Variants in XPNPEP1 observed in about 807,000 individuals in gnomAD.
XPNPEP1 encodes the protein xaa-Pro aminopeptidase 1.
XPNPEP1 carries 39 observed loss-of-function variants against 92.4 expected under a neutral mutation model. The observed-to-expected ratio is 0.42, with a 90% CI of 0.33 to 0.55. The LOEUF (loss-of-function observed/expected upper bound fraction) is 0.55, where lower values mean the gene tolerates loss of function less well. Among genes scored for constraint, XPNPEP1 ranks in the 20% least tolerant of loss-of-function variants. The probability of loss-of-function intolerance (pLI) is 0.08; values close to 1 mark genes in which losing one functional copy is unlikely to be tolerated. For synonymous variants in XPNPEP1, 307 were observed against 299.4 expected (o/e 1.03, Z -0.26); for missense variants, 654 against 856.1 (o/e 0.76, Z 2.95).
At position 109,899,529 on chromosome 10, in the gene XPNPEP1, G is replaced by A. The variant is rs538678982; in HGVS notation, c.247-6454C>T. On this transcript the variant is annotated intron_variant, in intron 3 of 20. Coordinates refer to ENST00000502935, the MANE Select transcript of XPNPEP1 (RefSeq NM_020383.4). ...CAATACCAGGCCACTGAAACTTCGAGATGTGTTACCACAGCTAGCATTATT... is the reference window on the plus strand; with the variant it reads ...CAATACCAGGCCACTGAAACTTCGAAATGTGTTACCACAGCTAGCATTATT... 9.8e-5 allele frequency among the ~76,000 whole-genome samples: 15 copies of A among 152,352 alleles called. No individual in the cohort carries two copies. In the South Asian group the frequency reaches 3.1e-3, roughly 32 times the overall value.
intron 3 of XPNPEP1, among the ~76,000 whole-genome samples, chr10:109,905,328 A>G (rs1451019753): frequency 6.6e-6 from 1 of 152,146 alleles, no homozygotes; most frequent in Non-Finnish European, 1.5e-5. Context: ...CTCCTGCTTC[A>G]GCCTCCTGAG....
At chr10:109,883,063 G>A (rs1848194221) in intron 9 of XPNPEP1, among the ~76,000 whole-genome samples, 1 of 152,120 alleles carries the variant, frequency 6.6e-6, no homozygotes, top group Non-Finnish European at 1.5e-5. Flanking sequence ...TTTACAACTT[G>A]TACATCTAAC....
intron 3 of XPNPEP1, among the ~76,000 whole-genome samples, chr10:109,901,266 G>A (rs548634163): frequency 8.8e-6 from 1 of 113,142 alleles, no homozygotes; most frequent in Non-Finnish European, 1.7e-5. Flanking sequence ...GTCATGGGGT[G>A]GGGGGAGGGG....
intron 3 of XPNPEP1, among the ~76,000 whole-genome samples, chr10:109,903,827 C>T (rs1849412803): frequency 6.6e-6 from 1 of 151,490 alleles, no homozygotes; most frequent in Non-Finnish European, 1.5e-5. Flanking sequence ...TATTTTGCTT[C>T]ATATGAAGTT....
Position 109,867,307 on chromosome 10 carries a change from A to G in XPNPEP1, c.1872+1307T>C, listed in dbSNP as rs1847194361. On this transcript the variant is annotated intron_variant, in intron 20 of 20. Transcript: ENST00000502935. This position sits in a 1 kb window ranked among gnomAD's most constrained non-coding sequence, Gnocchi z 4.5. ...ACAAGAGCCCCTGGACACTGGAAGG[A>G]CTCTTCCTGCTGAAGAGACACACCA... 6.6e-6 allele frequency among the ~76,000 whole-genome samples: 1 copy of G among 152,008 alleles called. No individual in the cohort carries two copies.
At chr10:109,902,615 G>T (rs1360845602) in intron 3 of XPNPEP1, among the ~76,000 whole-genome samples, 1 of 152,182 alleles carries the variant, frequency 6.6e-6, no homozygotes, top group Non-Finnish European at 1.5e-5. Context: ...TACAGCAATA[G>T]AAATGACAGT....
rs1456707623 is a variant in XPNPEP1 at position 109,923,159 on chromosome 10, A to C, written c.32+243T>G. ...AGCAGTTCCGCGGGCATACGCGTCCAGGAACCAGACTCGGGCCGCCCCGTG... is the reference window on the plus strand; with the variant it reads ...AGCAGTTCCGCGGGCATACGCGTCCCGGAACCAGACTCGGGCCGCCCCGTG... On this transcript the variant is annotated intron_variant, in intron 1 of 20. Coordinates refer to ENST00000502935, the MANE Select transcript of XPNPEP1 (RefSeq NM_020383.4). 7.1e-6 allele frequency: 7 copies of C among 985,114 alleles called. No homozygotes were observed. The African/African-American group carries it at 1.2e-4, about 17-fold the overall frequency. The allele number at this position is 985,114 out of a possible 1,614,324, so 61.0% of individuals were successfully genotyped here. A position where few individuals can be genotyped will look rare whatever the true frequency, so the allele number is the denominator to read the frequency against.
At chr10:109,887,468 T>C (rs1460683490) in intron 7 of XPNPEP1, among the ~76,000 whole-genome samples, 1 of 152,162 alleles carries the variant, frequency 6.6e-6, no homozygotes, top group Non-Finnish European at 1.5e-5. Context: ...ATCCCCCATC[T>C]ACCTCTGTTT....
intron 3 of XPNPEP1, chr10:109,893,525 G>A (rs1459416744): frequency 6.3e-6 from 1 of 157,568 alleles, no homozygotes; most frequent in Admixed American, 6.1e-5. Context: ...CAAACTTCCT[G>A]TTTGGGTCCT....
At position 109,883,116 on chromosome 10, in the gene XPNPEP1, T is replaced by A. The variant is rs768776875; in HGVS notation, c.831-474A>T. On this transcript the variant is annotated intron_variant, in intron 9 of 20. Transcript: ENST00000502935. ...AAATTCGTTCAATAGCTTCCCACTA[T>A]TCTTGTTCAGAAAAAGAACCCAAGC... Among the ~76,000 whole-genome samples, 11 of 152,210 alleles carry A rather than the reference T, an allele frequency of 7.2e-5. No homozygotes were observed. In the East Asian group the frequency reaches 2.1e-3, roughly 29 times the overall value.
intron 2 of XPNPEP1, among the ~76,000 whole-genome samples, chr10:109,914,760 C>A (rs1265116167): frequency 6.8e-6 from 1 of 147,072 alleles, no homozygotes; most frequent in Non-Finnish European, 1.5e-5. Context: ...CACGCCATTG[C>A]ACTCCAGGCT....
intron 2 of XPNPEP1, among the ~76,000 whole-genome samples, chr10:109,910,986 A>G (rs1452787824): frequency 1.3e-5 from 2 of 152,148 alleles, no homozygotes; most frequent in Non-Finnish European, 2.9e-5. Context: ...TAACATACTC[A>G]TTTGCTTCTT....
At chr10:109,870,136 C>T (rs781513005) in intron 18 of XPNPEP1, 107 bp from the exon 19 acceptor site, 27 of 1,245,622 alleles carry the variant, frequency 2.2e-5, no homozygotes, top group South Asian at 1.1e-4. Flanking sequence ...GGAGAAGAAA[C>T]GGGTGAAGAG....
intron 5 of XPNPEP1, among the ~76,000 whole-genome samples, chr10:109,889,791 G>A (rs1327649365): frequency 6.6e-6 from 1 of 152,080 alleles, no homozygotes; most frequent in African/African-American, 2.4e-5. Flanking sequence ...TTTCTCTACT[G>A]ACTACTGATA....
intron 14 of XPNPEP1, chr10:109,876,278 A>C (rs970394433): frequency 6.6e-6 from 1 of 152,214 alleles, no homozygotes; most frequent in African/African-American, 2.4e-5. Context: ...GGATGAGAGC[A>C]CTCCAAGTCT....
chr10:109,865,266 C>A lies in XPNPEP1; in HGVS notation c.1919G>T (p.Gly640Val). ...GCGGCCCTGTTTCTGCAATTCCTTC[C>A]CAATCACATCCCTGCAGGTCAGGTG... ...NYHLTCRDVI[G>V]KELQKQGRQE... Residue 640 changes from glycine to valine, a missense_variant, in exon 21 of 21, where the codon GGG (glycine) becomes GTG (valine). By Grantham distance (109) the Gly-to-Val change is moderately radical (BLOSUM62 -3). Coordinates refer to ENST00000502935, the MANE Select transcript of XPNPEP1 (RefSeq NM_020383.4). 6.2e-7 allele frequency: 1 copy of A among 1,614,160 alleles called. No individual in the cohort carries two copies. Among genetic ancestry groups the A allele is most frequent in the Non-Finnish European group, 8.5e-7 (1 of 1,180,036 alleles).
At chr10:109,890,513 T>G (rs1386767689) in intron 5 of XPNPEP1, among the ~76,000 whole-genome samples, 1 of 150,542 alleles carries the variant, frequency 6.6e-6, no homozygotes, top group Non-Finnish European at 1.5e-5. Context: ...GGCCACTAGC[T>G]TGTCCATTTA....
At chr10:109,912,766 T>C (rs981287450) in intron 2 of XPNPEP1, among the ~76,000 whole-genome samples, 2 of 152,230 alleles carry the variant, frequency 1.3e-5, no homozygotes, top group East Asian at 1.9e-4. Context: ...ATGTGATAAA[T>C]TGTGTAAACA....
Position 109,867,395 on chromosome 10 carries a change from C to T in XPNPEP1, c.1872+1219G>A, listed in dbSNP as rs576956971. 2.0e-5 allele frequency among the ~76,000 whole-genome samples: 3 copies of T among 152,230 alleles called. No individual in the cohort carries two copies. The highest frequency in any genetic ancestry group is 4.4e-5 in the Non-Finnish European group (3 of 68,044). On this transcript the variant is annotated intron_variant, in intron 20 of 20. Transcript: ENST00000502935. This position sits in a 1 kb window ranked among gnomAD's most constrained non-coding sequence, Gnocchi z 4.5. The stretch of plus-strand genomic sequence containing the variant: ...CCATCTACAAGCTGCATAACCCACC[C>T]GGTATCAGCAAGGCCCATGTGGGTC...
Sources: gnomAD v4.1 joint callset for allele counts (sites outside exome capture counted in the v4.1 genomes callset) on GRCh38, gnomAD v4.1.1 for gene constraint, Gnocchi (gnomAD v3.1) non-coding constraint, MANE v1.5 for transcripts, NCBI Gene and HGNC (gene_info 2026-07-23, HGNC 2026-07-21) for gene names.